The following CUL9 variants were observed in gnomAD, a reference collection of about 807,000 sequenced individuals.
The protein encoded by CUL9 is cullin 9, also known as cullin-9.
CUL9 carries 79 observed loss-of-function variants against 272.6 expected under a neutral mutation model. The observed-to-expected ratio is 0.29, with a 90% CI of 0.24 to 0.35. The LOEUF is 0.35. CUL9 is among the 10% of genes least tolerant of loss of function. The pLI is 1.00. For missense variants in CUL9, 2,532 were observed against 3,255.6 expected (o/e 0.78, Z 5.41); for synonymous variants, 1,186 against 1,286.5 (o/e 0.92, Z 1.67).
rs992873807 is a variant in CUL9 at position 43,185,814 on chromosome 6, T to C, written c.751-141T>C. 3 of 1,256,968 alleles carry C rather than the reference T, an allele frequency of 2.4e-6. No homozygotes were observed. The African/African-American group carries it at 4.5e-5, about 19-fold the overall frequency. 77.9% of individuals were successfully genotyped at this position (1,256,968 alleles called of 1,614,324 possible). ...TGTGTTTTAAGACACTCCCTATGCC[T>C]TTCTTACACAAATCAAAGTTTCAGA... On this transcript the variant is annotated intron_variant, in intron 3 of 40. Transcript: ENST00000252050.
Position 43,200,698 on chromosome 6 carries a change from G to A in CUL9, c.3511G>A (p.Glu1171Lys), listed in dbSNP as rs142163288. ...GGAAGTGAAGGAGGACAAGTGCTGG[G>A]AGAAGGTGGAGGTGTCCTCCAACCC... ...SVEVKEDKCW[E>K]KVEVSSNPHR... The change falls in exon 16 of 41, where the codon GAG becomes AAG. Residue 1171 changes from glutamate to lysine, a missense_variant. This residue lies in a region of CUL9 where 2,218 missense variants were observed against 2,788.6 expected (regional missense o/e 0.80). Transcript: ENST00000252050. The surrounding 1 kb of genome is among the most constrained non-coding windows in gnomAD (Gnocchi z 4.0). The A allele has an allele frequency of 6.9e-4, 1,106 of 1,614,204 alleles. 2 individuals carry two copies. The highest frequency in any genetic ancestry group is 1.0e-3 in the South Asian group (93 of 91,084).
Position 43,188,722 on chromosome 6 carries a change from A to G in CUL9, c.2180+7A>G, listed in dbSNP as rs1339851534. On this transcript the variant is annotated splice_region_variant and intron_variant, in intron 8 of 40. Coordinates refer to ENST00000252050, the MANE Select transcript of CUL9 (RefSeq NM_015089.4). ...GTCCTGACAGATCGCTGAGGTTAGC[A>G]TACTGGGGAGGGAAGAGGTTTTGGT... 3.8e-6 allele frequency: 6 copies of G among 1,593,422 alleles called. No homozygotes were observed. The highest frequency in any genetic ancestry group is 5.1e-6 in the Non-Finnish European group (6 of 1,170,178).
rs1405824103 is a variant in CUL9 at position 43,196,923 on chromosome 6, T to C, written c.2803+61T>C. The stretch of plus-strand genomic sequence containing the variant: ...ACACAGTGCCAGCCAGGTTTACATA[T>C]CAGCTCCTTACTGGAAAGATACAAG... On this transcript the variant is annotated intron_variant, in intron 11 of 40. Transcript: ENST00000252050. 5 of 1,359,586 alleles carry C rather than the reference T, an allele frequency of 3.7e-6. No individual in the cohort carries two copies. In the South Asian group the frequency reaches 6.0e-5, roughly 16 times the overall value. 84.2% of individuals were successfully genotyped at this position (1,359,586 alleles called of 1,614,324 possible). A position where few individuals can be genotyped will look rare whatever the true frequency, so the allele number is the denominator to read the frequency against.
In CUL9 at chr6:43,185,731, A is replaced by G. The variant is rs968471606; in HGVS notation, c.750+121A>G. Reference sequence around the variant, plus strand: ...TGGGAACTTGTTAACATGAAGGTTCATGTCCTCCCTCCCAGCCCCTCTCCA... The same window carrying G: ...TGGGAACTTGTTAACATGAAGGTTCGTGTCCTCCCTCCCAGCCCCTCTCCA... On this transcript the variant is annotated intron_variant, in intron 3 of 40. Transcript: ENST00000252050. 11 of 1,272,882 alleles carry G rather than the reference A, an allele frequency of 8.6e-6. No homozygotes were observed. The Admixed American group carries it at 1.8e-4, about 20-fold the overall frequency. 78.8% of individuals were successfully genotyped at this position (1,272,882 alleles called of 1,614,324 possible). A position where few individuals can be genotyped will look rare whatever the true frequency, so the allele number is the denominator to read the frequency against.
rs1042631379 is a variant in CUL9 at position 43,204,180 on chromosome 6, C to G, written c.4160-180C>G. The G allele has an allele frequency of 2.9e-6, 3 of 1,021,458 alleles. No homozygotes were observed. The African/African-American group carries it at 4.9e-5, about 17-fold the overall frequency. 63.3% of individuals were successfully genotyped at this position (1,021,458 alleles called of 1,614,324 possible). On this transcript the variant is annotated intron_variant, in intron 20 of 40. Coordinates refer to ENST00000252050, the MANE Select transcript of CUL9 (RefSeq NM_015089.4). ...GGTATTTGAATCTTTCCCACTACCC[C>G]ATCCCCACCCTGTTAACATTTCCCC... is the stretch of plus-strand genomic sequence containing the variant.
At position 43,215,123 on chromosome 6, in the gene CUL9, G is replaced by A. The variant is rs1562055785; in HGVS notation, c.5733G>A (p.Leu1911=). Residue 1911 remains leucine, a synonymous_variant, in exon 30 of 41, where the codon CTG becomes CTA. Coordinates refer to ENST00000252050, the MANE Select transcript of CUL9 (RefSeq NM_015089.4). ...AGGGTCCAAATCCTCCTGGAACCCT[G>A]GGCCACACTGTTGCTGGGGGTGTGG... ...WQKGPNPPGT[L]GHTVAGGVAC... The A allele has an allele frequency of 6.2e-7, 1 of 1,613,082 alleles. No individual in the cohort carries two copies. The highest frequency in any genetic ancestry group is 1.7e-5 in the Admixed American group (1 of 59,978).
chr6:43,197,570 G>A (rs567892449), intron 11 of CUL9, among the ~76,000 whole-genome samples: 11 of 151,696 alleles, frequency 7.3e-5, no homozygotes, highest in African/African-American at 1.2e-4. Flanking sequence ...TGCAAGCTCC[G>A]CCTCCCGGGT....
intron 1 of CUL9, among the ~76,000 whole-genome samples, chr6:43,183,336 C>A (rs545072792): frequency 1.3e-5 from 2 of 152,274 alleles, no homozygotes; most frequent in South Asian, 4.1e-4. Context: ...TAGGGCCCTC[C>A]CCCTTTCACA....
In CUL9 at chr6:43,222,879, C is replaced by T; in HGVS notation, c.7133C>T (p.Ala2378Val). The change falls in exon 38 of 41, where the codon GCC becomes GTC. Residue 2378 changes from alanine to valine, a missense_variant. By Grantham distance (64) the Ala-to-Val change is moderately conservative. This residue lies in a region of CUL9 where 237 missense variants were observed against 305.9 expected (regional missense o/e 0.77). Coordinates refer to ENST00000252050, the MANE Select transcript of CUL9 (RefSeq NM_015089.4). ...QTENLELHTNALQILLEETLL... is the reference protein window; with the variant it reads ...QTENLELHTNVLQILLEETLL... ...GAGAACCTGGAGCTGCACACCAATG[C>T]CCTGCAGATCCTCCTGGGTGAGCCA... 6.2e-7 allele frequency: 1 copy of T among 1,613,570 alleles called. No homozygotes were observed. The highest frequency in any genetic ancestry group is 8.5e-7 in the Non-Finnish European group (1 of 1,179,728).
At chr6:43,191,847 AGTGCTGGGATTACAGGTGTGT>A (rs1359101562) in intron 8 of CUL9, among the ~76,000 whole-genome samples, 109 of 151,550 alleles carry the variant, frequency 7.2e-4, no homozygotes, top group African/African-American at 2.6e-3. Flanking sequence ...AGTCTCCCAA[AGTGCTGGGATTACAGGTGTGT>A]GTCACTGTGC....
chr6:43,186,534 C>A, intron 4 of CUL9, 79 bp downstream of exon 4: 3 of 1,508,542 alleles, frequency 2.0e-6, no homozygotes, highest in Non-Finnish European at 2.7e-6. Flanking sequence ...AAGGAGGACT[C>A]CTGCAGGCCA....
rs931583919 is a variant in CUL9, at chr6:43,196,186, G to A, written c.2506G>A (p.Asp836Asn). ...QMTREIFASIDSATRPGSESL... is the reference protein window; with the variant it reads ...QMTREIFASINSATRPGSESL... ...GACCAGAGAGATCTTCGCCAGCATC[G>A]ACTCAGCCACACGCCCGGGCTCTGA... Residue 836 changes from aspartate to asparagine, a missense_variant, in exon 10 of 41, where the codon GAC becomes AAC. This residue lies in a region of CUL9 where 2,218 missense variants were observed against 2,788.6 expected (regional missense o/e 0.80). Coordinates refer to ENST00000252050, the MANE Select transcript of CUL9 (RefSeq NM_015089.4). 7 of 1,613,996 alleles carry A rather than the reference G, an allele frequency of 4.3e-6. No individual in the cohort carries two copies. Among genetic ancestry groups the A allele is most frequent in the African/African-American group, 2.7e-5 (2 of 74,906 alleles).
rs983343087 is a variant in CUL9, at chr6:43,216,228, G to A, written c.6007G>A (p.Glu2003Lys). 71 of 1,613,714 alleles carry A rather than the reference G, an allele frequency of 4.4e-5. No individual in the cohort carries two copies. The highest frequency in any genetic ancestry group is 5.8e-5 in the Non-Finnish European group (68 of 1,179,778). The part of the protein sequence containing the change: ...AGRTMSPQEV[E>K]GLMKQTVRQV... ...CCGCACCATGAGCCCCCAGGAAGTA[G>A]AAGGGTTGATGAAGCAGACGGTGCG... is the stretch of plus-strand genomic sequence containing the variant. Residue 2003 changes from glutamate to lysine, a missense_variant, in exon 31 of 41, where the codon GAA becomes AAA. By Grantham distance (56) the Glu-to-Lys change is moderately conservative (BLOSUM62 1). Around this residue, in one of 3 missense-constraint regions of CUL9, gnomAD observed 2,218 missense variants for 2,788.6 expected, o/e 0.80. Transcript: ENST00000252050.
rs369536146 is a variant in CUL9 at position 43,205,441 on chromosome 6, G to C, written c.4793+18G>C. ...TTCTATCAGTGAGTGCAGGTCTGGAGGCATAGGGGATGGGAGGCCTAGATC... is the reference window on the plus strand; with the variant it reads ...TTCTATCAGTGAGTGCAGGTCTGGACGCATAGGGGATGGGAGGCCTAGATC... On this transcript the variant is annotated intron_variant, in intron 24 of 40. Coordinates refer to ENST00000252050, the MANE Select transcript of CUL9 (RefSeq NM_015089.4). 10 of 1,608,136 alleles carry C rather than the reference G, an allele frequency of 6.2e-6. No individual in the cohort carries two copies. The highest frequency in any genetic ancestry group is 8.5e-6 in the Non-Finnish European group (10 of 1,174,942).
Position 43,184,258 on chromosome 6 carries a change from TTTC to T in CUL9, c.-9-41_-9-39del. On this transcript the variant is annotated intron_variant, in intron 1 of 40. Transcript: ENST00000252050. The surrounding 1 kb of genome is among the most constrained non-coding windows in gnomAD (Gnocchi z 4.8). Reference sequence around the variant, plus strand: ...GATTCCACCCCCTCCATGTATTTTTTTTCTTTTCTCATACTGCCTTATCTTTCT... The same window carrying T: ...GATTCCACCCCCTCCATGTATTTTTTTTTTCTCATACTGCCTTATCTTTCT... 1 of 1,353,964 alleles carries T rather than the reference TTTC, an allele frequency of 7.4e-7. No individual in the cohort carries two copies. Among genetic ancestry groups the T allele is most frequent in the Non-Finnish European group, 9.7e-7 (1 of 1,032,066 alleles). The allele number at this position is 1,353,964 out of a possible 1,614,324, so 83.9% of individuals were successfully genotyped here.
intron 11 of CUL9, among the ~76,000 whole-genome samples, chr6:43,197,773 T>C (rs1468002975): frequency 6.6e-6 from 1 of 152,206 alleles, no homozygotes; most frequent in East Asian, 1.9e-4. Flanking sequence ...TGAGCCACTG[T>C]GCCTGGCCTA....
At chr6:43,211,592 A>T (rs1775494795) in intron 26 of CUL9, among the ~76,000 whole-genome samples, 2 of 152,130 alleles carry the variant, frequency 1.3e-5, no homozygotes, top group Admixed American at 1.3e-4. Flanking sequence ...TTCATTGAGG[A>T]GTTTGGTGGA....
In CUL9 at chr6:43,224,337, T is replaced by A. The variant is rs1284864025; in HGVS notation, c.7446T>A (p.Asp2482Glu). 1 of 1,614,052 alleles carries A rather than the reference T, an allele frequency of 6.2e-7. No individual in the cohort carries two copies. The highest frequency in any genetic ancestry group is 1.7e-5 in the Admixed American group (1 of 60,012). Residue 2482 changes from aspartate to glutamate, a missense_variant, in exon 41 of 41, where the codon GAT becomes GAA. Asp to Glu is a conservative substitution (Grantham distance 45, BLOSUM62 2). Coordinates refer to ENST00000252050, the MANE Select transcript of CUL9 (RefSeq NM_015089.4). The surrounding 1 kb of genome is among the most constrained non-coding windows in gnomAD (Gnocchi z 4.2). ...CCGAGTGGCAGCAGGATGAGTTTGA[T>A]GAGGAGCTGGACAATGACAGCTTCT... The part of the protein sequence containing the change: ...DVPEWQQDEF[D>E]EELDNDSFSY...
Position 43,185,568 on chromosome 6 carries a change from TGAA to T in CUL9, c.712_714del (p.Glu238del). On this transcript the variant is annotated inframe_deletion, in exon 3 of 41. Coordinates refer to ENST00000252050, the MANE Select transcript of CUL9 (RefSeq NM_015089.4). ...AGCTGTTTGCAGAAACCACATCCTC[TGAA>T]GAACACTGCATGGCCTTTGAGGGCA... The T allele has an allele frequency of 6.2e-7, 1 of 1,613,696 alleles. No individual in the cohort carries two copies.
Sources: gnomAD v4.1 joint callset for allele counts (sites outside exome capture counted in the v4.1 genomes callset) on GRCh38, gnomAD v4.1.1 for gene constraint, gnomAD v4.1.1 regional missense constraint, Gnocchi (gnomAD v3.1) non-coding constraint, MANE v1.5 for transcripts, NCBI Gene and HGNC (gene_info 2026-07-23, HGNC 2026-07-21) for gene names.